TRIM8: variants seen among roughly 807,000 people sequenced by gnomAD.
The protein encoded by TRIM8 is E3 ubiquitin-protein ligase TRIM8.
In TRIM8, 9 loss-of-function variants were observed where a neutral mutation model predicts 55.7. The ratio of observed to expected loss-of-function variants is 0.16; its 90% confidence interval spans 0.10 to 0.28. TRIM8 has a LOEUF of 0.28. TRIM8 is among the 10% of genes least tolerant of loss of function. The probability of loss-of-function intolerance (pLI) is 1.00; values close to 1 mark genes in which losing one functional copy is unlikely to be tolerated. For synonymous variants in TRIM8, 335 were observed against 333.3 expected (o/e 1.01, Z -0.06); for missense variants, 556 against 736.4 (o/e 0.76, Z 2.83).
At position 102,657,213 on chromosome 10, in the gene TRIM8, G is replaced by A. The variant is rs1305907856; in HGVS notation, c.1515G>A (p.Pro505=). The part of the protein sequence containing the change: ...WTVPSQEYSH[P]LPPTPSVPQS... ...TGCCCTCGCAGGAGTACTCACACCCGCTCCCGCCCACACCCTCCGTCCCCC... is the reference window on the plus strand; with the variant it reads ...TGCCCTCGCAGGAGTACTCACACCCACTCCCGCCCACACCCTCCGTCCCCC... Residue 505 remains proline (P), a synonymous_variant, in exon 6 of 6, where the codon CCG becomes CCA. Transcript: ENST00000643721. 6.2e-7 allele frequency: 1 copy of A among 1,613,780 alleles called. No individual in the cohort carries two copies. Among genetic ancestry groups the A allele is most frequent in the Non-Finnish European group, 8.5e-7 (1 of 1,179,898 alleles).
Position 102,644,907 on chromosome 10 carries a change from G to A in TRIM8, c.290G>A (p.Arg97His). 6.2e-7 allele frequency: 1 copy of A among 1,607,472 alleles called. No individual in the cohort carries two copies. Among genetic ancestry groups the A allele is most frequent in the Non-Finnish European group, 8.5e-7 (1 of 1,177,324 alleles). Residue 97 changes from arginine to histidine, a missense_variant, in exon 1 of 6, where the codon CGC becomes CAC. By Grantham distance (29) the Arg-to-His change is conservative. This residue lies in a region of TRIM8 where 165 missense variants were observed against 295.3 expected (regional missense o/e 0.56). Transcript: ENST00000643721. ...PAALHCVFCR[R>H]GPPLPAQKVC... ...GCGCTGCACTGCGTGTTCTGCCGCCGCGGCCCCCCGCTGCCCGCGCAGAAG... is the reference window on the plus strand; with the variant it reads ...GCGCTGCACTGCGTGTTCTGCCGCCACGGCCCCCCGCTGCCCGCGCAGAAG...
chr10:102,655,532 C>T (rs1490350452), intron 3 of TRIM8, among the ~76,000 whole-genome samples: 2 of 152,186 alleles, frequency 1.3e-5, no homozygotes, highest in African/African-American at 4.8e-5. Flanking sequence ...GTTGATGATA[C>T]AGGTCTACTA....
chr10:102,654,619 T>C (rs2064009116), intron 1 of TRIM8, 34 bp from the exon 2 acceptor site: 1 of 1,529,712 alleles, frequency 6.5e-7, no homozygotes, highest in Non-Finnish European at 9.1e-7. Context: ...GGAGCCACAG[T>C]CCCTCTGATA....
chr10:102,656,434 G>C lies in TRIM8; in HGVS notation c.1048+49G>C. The stretch of plus-strand genomic sequence containing the variant: ...AGGGAGACAGGGACCTTTGGGGAGG[G>C]GTTCAGCGCCACAGCCTTCCCTCCA... On this transcript the variant is annotated intron_variant, in intron 5 of 5. Transcript: ENST00000643721. This position sits in a 1 kb window ranked among gnomAD's most constrained non-coding sequence, Gnocchi z 4.6. 2 of 1,570,362 alleles carry C rather than the reference G, an allele frequency of 1.3e-6. No individual in the cohort carries two copies. Among genetic ancestry groups the C allele is most frequent in the Middle Eastern group, 1.7e-4 (1 of 5,832 alleles).
At chr10:102,649,467 G>A (rs1187738232) in intron 1 of TRIM8, among the ~76,000 whole-genome samples, 1 of 152,224 alleles carries the variant, frequency 6.6e-6, no homozygotes, top group Non-Finnish European at 1.5e-5. Context: ...GAGCAAGCCC[G>A]GCTTGGGCCC....
At position 102,657,276 on chromosome 10, in the gene TRIM8, C is replaced by T. The variant is rs762768158; in HGVS notation, c.1578C>T (p.Asp526=). 4.3e-6 allele frequency: 7 copies of T among 1,613,572 alleles called. No individual in the cohort carries two copies. Among genetic ancestry groups the T allele is most frequent in the Non-Finnish European group, 5.9e-6 (7 of 1,179,810 alleles). ...GCCTGGCGGTCAGAGACTGGCTTGA[C>T]GCCTCCCAGCAGCCCGGCCACCAGG... The part of the protein sequence containing the change: ...LPSLAVRDWL[D]ASQQPGHQDF... The change falls in exon 6 of 6, where the codon GAC becomes GAT. Residue 526 remains aspartate (D), a synonymous_variant. Coordinates refer to ENST00000643721, the MANE Select transcript of TRIM8 (RefSeq NM_030912.3).
chr10:102,644,768 C>T lies in TRIM8; in HGVS notation c.151C>T (p.Arg51Cys), dbSNP rs1358112091. Residue 51 changes from arginine to cysteine, a missense_variant, in exon 1 of 6, where the codon CGC becomes TGC. Physicochemically the swap from Arg to Cys is radical, Grantham distance 180. Transcript: ENST00000643721. ...GTGGGCCAAGGACAGCGGCCTCGTA[C>T]GCTGCCCAGAGTGCAACCAGGCCTA... is the stretch of plus-strand genomic sequence containing the variant. ...EAWAKDSGLV[R>C]CPECNQAYNQ... 1 of 1,613,118 alleles carries T rather than the reference C, an allele frequency of 6.2e-7. No individual in the cohort carries two copies. The highest frequency in any genetic ancestry group is 1.3e-5 in the African/African-American group (1 of 74,938).
Position 102,656,998 on chromosome 10 carries a change from C to T in TRIM8, c.1300C>T (p.Pro434Ser), listed in dbSNP as rs777251455. 5.0e-6 allele frequency: 8 copies of T among 1,612,534 alleles called. No homozygotes were observed. The African/African-American group carries it at 1.1e-4, about 22-fold the overall frequency. The change falls in exon 6 of 6, where the codon CCA (proline) becomes TCA (serine). Residue 434 changes from proline to serine, a missense_variant. Physicochemically the swap from Pro to Ser is moderately conservative, Grantham distance 74. This residue lies in a region of TRIM8 where 391 missense variants were observed against 441.0 expected (regional missense o/e 0.89). Coordinates refer to ENST00000643721, the MANE Select transcript of TRIM8 (RefSeq NM_030912.3). The surrounding 1 kb of genome is among the most constrained non-coding windows in gnomAD (Gnocchi z 4.6). ...HLVALPGGAQ[P>S]VHSSPVFPPS... is the part of the protein sequence containing the mutation. ...GGTGGCCCTGCCGGGCGGCGCCCAACCAGTGCACTCAAGCCCCGTGTTCCC... is the reference window on the plus strand; with the variant it reads ...GGTGGCCCTGCCGGGCGGCGCCCAATCAGTGCACTCAAGCCCCGTGTTCCC...
rs78418271 is a variant in TRIM8 at position 102,656,020 on chromosome 10, G to A, written c.901-86G>A. 14 of 1,596,340 alleles carry A rather than the reference G, an allele frequency of 8.8e-6. No homozygotes were observed. The East Asian group carries it at 2.5e-4, about 28-fold the overall frequency. ...ATCCACCCAGCCTGGGGGAGGCTCAGGGGGGGCAGCTTTTGTCTTCCCCTC... is the reference window on the plus strand; with the variant it reads ...ATCCACCCAGCCTGGGGGAGGCTCAAGGGGGGCAGCTTTTGTCTTCCCCTC... On this transcript the variant is annotated intron_variant, in intron 3 of 5. Transcript: ENST00000643721. The surrounding 1 kb of genome is among the most constrained non-coding windows in gnomAD (Gnocchi z 4.6).
In TRIM8 at chr10:102,656,410, G is replaced by A. The variant is rs1488837018; in HGVS notation, c.1048+25G>A. On this transcript the variant is annotated intron_variant, in intron 5 of 5. Transcript: ENST00000643721. This position sits in a 1 kb window ranked among gnomAD's most constrained non-coding sequence, Gnocchi z 4.6. Reference sequence around the variant, plus strand: ...GGTGAGGGTGGGGTGTTCCGCCGAAGGGAGACAGGGACCTTTGGGGAGGGG... The same window carrying A: ...GGTGAGGGTGGGGTGTTCCGCCGAAAGGAGACAGGGACCTTTGGGGAGGGG... 6.3e-7 allele frequency: 1 copy of A among 1,594,644 alleles called. No homozygotes were observed. Among genetic ancestry groups the A allele is most frequent in the East Asian group, 2.3e-5 (1 of 43,828 alleles).
In TRIM8 at chr10:102,656,347, T is replaced by C; in HGVS notation, c.1010T>C (p.Val337Ala). ...HLNSKLFLNE[V>A]AKKEKQLRKM... ...AACTCCAAGCTCTTCCTGAACGAAGTGGCCAAGAAGGAGAAGCAGCTGCGG... is the reference window on the plus strand; with the variant it reads ...AACTCCAAGCTCTTCCTGAACGAAGCGGCCAAGAAGGAGAAGCAGCTGCGG... The change falls in exon 5 of 6, where the codon GTG (valine) becomes GCG (alanine). Residue 337 changes from valine to alanine, a missense_variant. Physicochemically the swap from Val to Ala is moderately conservative, Grantham distance 64. Transcript: ENST00000643721. The surrounding 1 kb of genome is among the most constrained non-coding windows in gnomAD (Gnocchi z 4.6). 1 of 1,613,884 alleles carries C rather than the reference T, an allele frequency of 6.2e-7. No individual in the cohort carries two copies. Among genetic ancestry groups the C allele is most frequent in the Non-Finnish European group, 8.5e-7 (1 of 1,179,938 alleles).
At chr10:102,653,804 C>T (rs943461984) in intron 1 of TRIM8, 2 of 152,202 alleles carry the variant, frequency 1.3e-5, no homozygotes, top group East Asian at 3.9e-4. Flanking sequence ...TGGACTGGGA[C>T]AGAGGTTCAC....
At chr10:102,652,750 A>G (rs896404745) in intron 1 of TRIM8, among the ~76,000 whole-genome samples, 1 of 152,024 alleles carries the variant, frequency 6.6e-6, no homozygotes. Flanking sequence ...GACTAGTGAT[A>G]CGTAGGTACT....
In TRIM8 at chr10:102,654,637, C is replaced by T. The variant is rs1433324162; in HGVS notation, c.571-16C>T. On this transcript the variant is annotated splice_polypyrimidine_tract_variant and intron_variant, in intron 1 of 5. Coordinates refer to ENST00000643721, the MANE Select transcript of TRIM8 (RefSeq NM_030912.3). ...GCCACAGTCCCTCTGATACTCCCAC[C>T]CAAATGTCCCTGCAGAAGATGCTCA... 6.2e-7 allele frequency: 1 copy of T among 1,608,406 alleles called. No individual in the cohort carries two copies. Among genetic ancestry groups the T allele is most frequent in the Non-Finnish European group, 8.5e-7 (1 of 1,174,874 alleles).
At chr10:102,650,617 C>T (rs2063976749) in intron 1 of TRIM8, among the ~76,000 whole-genome samples, 1 of 152,228 alleles carries the variant, frequency 6.6e-6, no homozygotes, top group African/African-American at 2.4e-5. Context: ...CCAGGCCATG[C>T]ACTGCTGTGG....
At position 102,644,942 on chromosome 10, in the gene TRIM8, C is replaced by A; in HGVS notation, c.325C>A (p.Arg109Ser). 1 of 1,597,918 alleles carries A rather than the reference C, an allele frequency of 6.3e-7. No homozygotes were observed. Among genetic ancestry groups the A allele is most frequent in the East Asian group, 2.3e-5 (1 of 44,110 alleles). ...GCTGCCCGCGCAGAAGGTCTGCCTG[C>A]GCTGCGAGGCGCCCTGCTGCCAGTC... ...PPLPAQKVCL[R>S]CEAPCCQSHV... Residue 109 changes from arginine to serine, a missense_variant, in exon 1 of 6, where the codon CGC (arginine) becomes AGC (serine). This residue lies in a region of TRIM8 where 165 missense variants were observed against 295.3 expected (regional missense o/e 0.56). Transcript: ENST00000643721.
intron 1 of TRIM8, 195 bp downstream of exon 1, chr10:102,645,382 T>G (rs2135974341): frequency 3.6e-6 from 2 of 558,330 alleles, no homozygotes; most frequent in South Asian, 2.6e-5. Flanking sequence ...ACTTGGTACA[T>G]TCTCGCACCT....
Position 102,656,184 on chromosome 10 carries a change from CA to C in TRIM8, c.932+48del. The C allele has an allele frequency of 1.9e-6, 3 of 1,614,114 alleles. No individual in the cohort carries two copies. The highest frequency in any genetic ancestry group is 2.5e-6 in the Non-Finnish European group (3 of 1,179,988). ...TCCCGGGGGCACATCCTGGGGAGGG[CA>C]GGGGGGCCAGGCCCATGGCGGGGAG... On this transcript the variant is annotated intron_variant, in intron 4 of 5. Coordinates refer to ENST00000643721, the MANE Select transcript of TRIM8 (RefSeq NM_030912.3). The surrounding 1 kb of genome is among the most constrained non-coding windows in gnomAD (Gnocchi z 4.6).
chr10:102,654,964 G>T, intron 2 of TRIM8, 116 bp from the exon 3 acceptor site: 1 of 1,262,384 alleles, frequency 7.9e-7, no homozygotes, highest in Non-Finnish European at 1.1e-6. Flanking sequence ...TTGCCCTTGG[G>T]AGCCTGGGGC....
Sources: allele counts gnomAD v4.1 joint callset (sites outside exome capture counted in the v4.1 genomes callset), GRCh38; gene constraint gnomAD v4.1.1; regional missense constraint gnomAD v4.1.1; non-coding constraint Gnocchi (gnomAD v3.1); transcripts MANE v1.5; gene names NCBI Gene and HGNC (gene_info 2026-07-23, HGNC 2026-07-21).